Variants in LRP1B observed in about 807,000 individuals in gnomAD.
The protein encoded by LRP1B is low-density lipoprotein receptor-related protein 1B.
In LRP1B, 217 loss-of-function variants were observed where a neutral mutation model predicts 556.6. That is an observed-to-expected ratio of 0.39 (90% confidence interval 0.35 to 0.44). The LOEUF is 0.44. LRP1B is among the 20% of genes least tolerant of loss of function. The pLI is 1.00. For missense variants in LRP1B, 5,053 were observed against 5,620.8 expected (o/e 0.90, Z 3.23); for synonymous variants, 2,047 against 1,865.8 (o/e 1.10, Z -2.50).
At chr2:140,336,977 T>A (rs1161609392) in intron 77 of LRP1B, among the ~76,000 whole-genome samples, 2 of 151,848 alleles carry the variant, frequency 1.3e-5, no homozygotes, top group Non-Finnish European at 2.9e-5. Context: ...CGTAACAGCA[T>A]CTTTAAGACC....
At chr2:140,671,060 C>A (rs573810621) in intron 41 of LRP1B, among the ~76,000 whole-genome samples, 31 of 151,886 alleles carry the variant, frequency 2.0e-4, no homozygotes, top group African/African-American at 7.5e-4. Context: ...TTGGTGGATT[C>A]ATTTCTTATT....
intron 31 of LRP1B, among the ~76,000 whole-genome samples, chr2:140,825,900 T>TTCAA (rs1450008144): frequency 6.6e-6 from 1 of 152,228 alleles, no homozygotes; most frequent in African/African-American, 2.4e-5. Context: ...TACCCAGTCA[T>TTCAA]TCAATCAAAT....
intron 1 of LRP1B, among the ~76,000 whole-genome samples, chr2:142,080,323 C>G (rs7609479): frequency 6.6e-6 from 1 of 151,942 alleles, no homozygotes; most frequent in African/African-American, 2.4e-5. Context: ...TGGGAACACA[C>G]AAGTTCACAA....
intron 1 of LRP1B, among the ~76,000 whole-genome samples, chr2:142,121,889 G>A (rs980402651): frequency 1.4e-5 from 1 of 69,590 alleles, no homozygotes; most frequent in Non-Finnish European, 3.1e-5. Context: ...AGGATCATGT[G>A]ATTCAGCAAG....
chr2:140,313,759 T>C (rs538881339), intron 83 of LRP1B, among the ~76,000 whole-genome samples: 4 of 151,910 alleles, frequency 2.6e-5, no homozygotes, highest in Non-Finnish European at 5.9e-5. Context: ...AAGGACACAG[T>C]ACTACAATTT....
chr2:141,122,173 T>A (rs146293607), intron 7 of LRP1B, among the ~76,000 whole-genome samples: 6,059 of 152,180 alleles, frequency 0.04, 167 homozygotes, highest in African/African-American at 0.079. Context: ...GGCAATAGCA[T>A]TCAGGACATA....
chr2:140,982,108 G>A (rs1573948625), intron 18 of LRP1B, 52 bp downstream of exon 18: 3 of 1,378,932 alleles, frequency 2.2e-6, no homozygotes, highest in East Asian at 4.6e-5. Context: ...TAGTGGTAGG[G>A]TATCCTATCT....
intron 43 of LRP1B, 70 bp downstream of exon 43, chr2:140,598,561 G>A (rs1682530569): frequency 8.7e-7 from 1 of 1,146,356 alleles, no homozygotes; most frequent in African/African-American, 1.5e-5. Flanking sequence ...CATTTTAGGA[G>A]AGTATAAATC....
intron 7 of LRP1B, among the ~76,000 whole-genome samples, chr2:141,150,869 T>TTGTG (rs56107003): frequency 0.062 from 8,559 of 138,482 alleles, 338 homozygotes; most frequent in African/African-American, 0.1. Context: ...TCATGCTGGT[T>TTGTG]TGTGTGTGTG....
At chr2:141,579,689 C>T (rs1303278493) in intron 2 of LRP1B, among the ~76,000 whole-genome samples, 1 of 144,516 alleles carries the variant, frequency 6.9e-6, no homozygotes, top group African/African-American at 2.6e-5. Context: ...CTTAAGTGTA[C>T]TCTTAATTTC....
At chr2:141,428,059 T>C (rs1021559546) in intron 3 of LRP1B, among the ~76,000 whole-genome samples, 1 of 152,210 alleles carries the variant, frequency 6.6e-6, no homozygotes, top group Non-Finnish European at 1.5e-5. Flanking sequence ...ATAACATTAT[T>C]TGCATCTTCC....
intron 58 of LRP1B, among the ~76,000 whole-genome samples, chr2:140,486,517 G>A (rs80300727): frequency 1.3e-5 from 2 of 151,624 alleles, no homozygotes; most frequent in Non-Finnish European, 1.5e-5. Flanking sequence ...TATGTAAATA[G>A]GTGATTTAAA....
intron 60 of LRP1B, among the ~76,000 whole-genome samples, chr2:140,461,888 T>C (rs1687337432): frequency 6.6e-6 from 1 of 151,998 alleles, no homozygotes; most frequent in Admixed American, 6.6e-5. Flanking sequence ...TTTTCAAAAG[T>C]AAAAAATAGG....
In LRP1B at chr2:141,220,747, G is replaced by A. The variant is rs577145340; in HGVS notation, c.850+8436C>T. ...GAAACCCTACAAGCTGGAAGAGATT[G>A]GGGGCCAATATTCAACATTCTTAAA... On this transcript the variant is annotated intron_variant, in intron 6 of 90. Transcript: ENST00000389484. Among the ~76,000 whole-genome samples, 365 of 149,718 alleles carry A rather than the reference G, an allele frequency of 2.4e-3. 1 individual carries two copies. Among genetic ancestry groups the A allele is most frequent in the African/African-American group, 7.9e-3 (321 of 40,760 alleles).
intron 3 of LRP1B, among the ~76,000 whole-genome samples, chr2:141,284,140 A>T (rs1193149244): frequency 6.6e-6 from 1 of 152,190 alleles, no homozygotes; most frequent in Non-Finnish European, 1.5e-5. Context: ...CAATTTCCAC[A>T]TTTGTATGAT....
At chr2:141,079,660 A>T (rs1390888043) in intron 7 of LRP1B, among the ~76,000 whole-genome samples, 1 of 152,186 alleles carries the variant, frequency 6.6e-6, no homozygotes, top group Non-Finnish European at 1.5e-5. Context: ...GCACTATTTC[A>T]GTTAGAACTT....
intron 2 of LRP1B, among the ~76,000 whole-genome samples, chr2:141,712,836 A>ATTTTTTTTTTTT (rs1192189235): frequency 2.5e-4 from 26 of 103,342 alleles, no homozygotes; most frequent in South Asian, 1.5e-3. Flanking sequence ...TGCCCAGCTA[A>ATTTTTTTTTTTT]TTTTTTTTTT....
chr2:141,846,808 C>G (rs1439093668), intron 1 of LRP1B, among the ~76,000 whole-genome samples: 1 of 151,206 alleles, frequency 6.6e-6, no homozygotes, highest in Non-Finnish European at 1.5e-5. Flanking sequence ...AAAATAAAAG[C>G]TTTAGAAATC....
chr2:140,732,167 C>A (rs951035362), intron 35 of LRP1B, among the ~76,000 whole-genome samples: 1 of 151,198 alleles, frequency 6.6e-6, no homozygotes, highest in African/African-American at 2.4e-5. Flanking sequence ...GTTCATTATT[C>A]TCTTCTCTCT....
Sources: allele counts gnomAD v4.1 joint callset (sites outside exome capture counted in the v4.1 genomes callset), GRCh38; gene constraint gnomAD v4.1.1; transcripts MANE v1.5; gene names NCBI Gene and HGNC (gene_info 2026-07-23, HGNC 2026-07-21).